The following PDHX variants were observed in gnomAD, a reference collection of about 807,000 sequenced individuals.
The protein encoded by PDHX is pyruvate dehydrogenase protein X component, mitochondrial.
PDHX carries 33 observed loss-of-function variants against 55.3 expected under a neutral mutation model. That is an observed-to-expected ratio of 0.60 (90% confidence interval 0.45 to 0.80). The LOEUF is 0.80. PDHX is among the 30% of genes least tolerant of loss of function. The pLI is 0.00. For missense variants in PDHX, 622 were observed against 619.9 expected, an observed-to-expected ratio of 1.00 and a Z score of -0.04; for synonymous variants, 226 against 219.4, an observed-to-expected ratio of 1.03 and a Z score of -0.27.
chr11:34,916,406 C>T (rs1853699667), upstream of PDHX: 4 of 1,492,850 alleles, frequency 2.7e-6, no homozygotes, highest in Non-Finnish European at 3.6e-6. Context: ...AGCCCGGGGG[C>T]GGGGCGAACG....
chr11:34,983,119 AT>A (rs1564931469), intron 8 of PDHX, among the ~76,000 whole-genome samples: 2 of 152,348 alleles, frequency 1.3e-5, no homozygotes, highest in East Asian at 3.9e-4. Context: ...GTGGTTCAAC[AT>A]ACGAAAATCA....
intron 10 of PDHX, among the ~76,000 whole-genome samples, chr11:34,994,647 C>T (rs1009866242): frequency 5.3e-5 from 8 of 152,060 alleles, no homozygotes; most frequent in Admixed American, 3.3e-4. Context: ...GGACATGACT[C>T]GATATAAAAT....
chr11:34,958,680 C>T (rs1324983789), intron 4 of PDHX, among the ~76,000 whole-genome samples: 2 of 152,206 alleles, frequency 1.3e-5, no homozygotes, highest in Non-Finnish European at 2.9e-5. Context: ...ACTGTCTCCT[C>T]TTTCATTTAC....
At chr11:34,927,280 G>C (rs10488803) in intron 1 of PDHX, among the ~76,000 whole-genome samples, 28,764 of 151,912 alleles carry the variant, frequency 0.19, 3,893 homozygotes, top group African/African-American at 0.39. Context: ...TGAAAAACTT[G>C]TGTAATGAGT....
In PDHX at chr11:34,960,439, G is replaced by A. The variant is rs778357262; in HGVS notation, c.562G>A (p.Ala188Thr). 6.2e-6 allele frequency: 10 copies of A among 1,612,942 alleles called. No individual in the cohort carries two copies. Among genetic ancestry groups the A allele is most frequent in the South Asian group, 2.2e-5 (2 of 91,054 alleles). The change falls in exon 5 of 11, where the codon GCC becomes ACC. Residue 188 changes from alanine to threonine, a missense_variant. Coordinates refer to ENST00000227868, the MANE Select transcript of PDHX (RefSeq NM_003477.3). ...TCTTAGGTTCCGTTTAAGTCCAGCT[G>A]CCCGCAATATTCTGGAAAAACACTC... The part of the protein sequence containing the change: ...GTLRFRLSPA[A>T]RNILEKHSLD...
upstream of PDHX, chr11:34,915,942 A>C: frequency 1.9e-6 from 1 of 526,616 alleles, no homozygotes; most frequent in Non-Finnish European, 3.3e-6. Context: ...ATACCCGGTG[A>C]GGTCACCTAA....
chr11:34,924,469 C>G (rs1189596615), intron 1 of PDHX, among the ~76,000 whole-genome samples: 1 of 152,192 alleles, frequency 6.6e-6, no homozygotes, highest in Non-Finnish European at 1.5e-5. Context: ...GATCCACCCG[C>G]CTCAGCCTCC....
At chr11:34,933,459 G>A (rs1312260977) in intron 2 of PDHX, among the ~76,000 whole-genome samples, 2 of 152,114 alleles carry the variant, frequency 1.3e-5, no homozygotes, top group Non-Finnish European at 2.9e-5. Context: ...TGTATTTTAT[G>A]GGATAAAGCA....
chr11:34,947,373 T>C (rs1368713494), intron 2 of PDHX, 133 bp from the exon 3 acceptor site: 2 of 647,576 alleles, frequency 3.1e-6, no homozygotes, highest in African/African-American at 1.8e-5. Context: ...ATAATGAGAA[T>C]TACTTGTATT....
intron 5 of PDHX, 109 bp from the exon 6 acceptor site, chr11:34,966,531 A>G: frequency 2.0e-6 from 2 of 1,001,514 alleles, no homozygotes; most frequent in Non-Finnish European, 3.2e-6. Flanking sequence ...TATAACCTTG[A>G]CATCTGTATA....
At position 34,922,396 on chromosome 11, in the gene PDHX, G is replaced by A. The variant is rs1015709845; in HGVS notation, c.160+5581G>A. On this transcript the variant is annotated intron_variant, in intron 1 of 10. Transcript: ENST00000227868. ...CCTTGTAAGCACTTTACATGAATCA[G>A]CTCATTTAATACTCACAACTAATAC... is the stretch of plus-strand genomic sequence containing the variant. Among the ~76,000 whole-genome samples, 2 of 152,290 alleles carry A rather than the reference G, an allele frequency of 1.3e-5. 1 individual carries two copies. The highest frequency in any genetic ancestry group is 1.3e-4 in the Admixed American group (2 of 15,298).
rs2133932241 is a variant in PDHX, at chr11:34,916,826, G to A, written c.160+11G>A. The A allele has an allele frequency of 6.4e-7, 1 of 1,560,278 alleles. No homozygotes were observed. On this transcript the variant is annotated intron_variant, in intron 1 of 10. Transcript: ENST00000227868. ...CGCAGTGGCTTCGGGGTGAGTGGCC[G>A]GGGCTCGCTCAGCTTCTCTGTGTAG... is the stretch of plus-strand genomic sequence containing the variant.
intron 2 of PDHX, among the ~76,000 whole-genome samples, chr11:34,941,224 C>T (rs1442698595): frequency 2.0e-5 from 3 of 152,084 alleles, no homozygotes; most frequent in African/African-American, 7.2e-5. Context: ...CAAATATTAT[C>T]CTTCTTTGTG....
In PDHX at chr11:34,986,541, G is replaced by C. The variant is rs146910071; in HGVS notation, c.1182+1813G>C. 6.6e-3 allele frequency among the ~76,000 whole-genome samples: 1,009 copies of C among 152,250 alleles called. 10 individuals are homozygous for C. Among genetic ancestry groups the C allele is most frequent in the African/African-American group, 0.024 (979 of 41,536 alleles). On this transcript the variant is annotated intron_variant, in intron 9 of 10. Coordinates refer to ENST00000227868, the MANE Select transcript of PDHX (RefSeq NM_003477.3). ...GTTATGGAACTTTATTGTAGAGCTA[G>C]AATTTCCTTATTTTTATATACATTA... is the stretch of plus-strand genomic sequence containing the variant.
At chr11:34,968,491 T>C (rs1855184352) in intron 6 of PDHX, among the ~76,000 whole-genome samples, 1 of 152,188 alleles carries the variant, frequency 6.6e-6, no homozygotes, top group Admixed American at 6.5e-5. Flanking sequence ...AGAAAGGAAT[T>C]AGATATAATT....
In PDHX at chr11:34,947,096, A is replaced by G. The variant is rs189483058; in HGVS notation, c.242-410A>G. ...TGAACTTGCCCTAAGATGTGAACCC[A>G]GAAGTACTGTTAATTGTAAAACTTT... On this transcript the variant is annotated intron_variant, in intron 2 of 10. Coordinates refer to ENST00000227868, the MANE Select transcript of PDHX (RefSeq NM_003477.3). 5.3e-5 allele frequency among the ~76,000 whole-genome samples: 8 copies of G among 152,328 alleles called. 1 individual carries two copies. The highest frequency in any genetic ancestry group is 5.2e-4 in the Admixed American group (8 of 15,294).
chr11:34,984,923 A>T (rs1590769750), intron 9 of PDHX, 195 bp downstream of exon 9: 1 of 536,060 alleles, frequency 1.9e-6, no homozygotes. Context: ...ATTGTAAGAA[A>T]ATTTAATATT....
intron 2 of PDHX, among the ~76,000 whole-genome samples, chr11:34,937,052 G>A (rs544775361): frequency 1.3e-4 from 20 of 152,180 alleles, no homozygotes; most frequent in African/African-American, 3.9e-4. Context: ...CCAAAGTGCC[G>A]GGATTATAGG....
intron 6 of PDHX, among the ~76,000 whole-genome samples, 156 bp from the exon 7 acceptor site, chr11:34,969,983 A>G (rs545532225): frequency 3.3e-5 from 5 of 152,180 alleles, no homozygotes; most frequent in Non-Finnish European, 7.3e-5. Flanking sequence ...CTTCCCTTAT[A>G]CTAAGAATTT....
Sources: gnomAD v4.1 joint callset for allele counts (sites outside exome capture counted in the v4.1 genomes callset) on GRCh38, gnomAD v4.1.1 for gene constraint, MANE v1.5 for transcripts, NCBI Gene and HGNC (gene_info 2026-07-23, HGNC 2026-07-21) for gene names.